The following CASP8 variants were observed in gnomAD, a reference collection of about 807,000 sequenced individuals.
CASP8 encodes caspase-8.
Under a neutral mutation model 46.3 loss-of-function variants are expected in CASP8, and 24 were observed. That is an observed-to-expected ratio of 0.52 (90% CI 0.38 to 0.73). The LOEUF (loss-of-function observed/expected upper bound fraction) is 0.73. CASP8 is among the 30% of genes least tolerant of loss of function. CASP8 has a pLI of 0.00. For synonymous variants in CASP8, 188 were observed against 200.4 expected, an observed-to-expected ratio of 0.94 and a Z score of 0.52; for missense variants, 460 against 559.0, an observed-to-expected ratio of 0.82 and a Z score of 1.79.
rs1484449493 is a variant in CASP8, at chr2:201,283,229, C to A, written c.803-1587C>A. Among the ~76,000 whole-genome samples the A allele has an allele frequency of 2.2e-5, 2 of 88,892 alleles. 1 individual carries two copies. The highest frequency in any genetic ancestry group is 5.4e-5 in the Non-Finnish European group (2 of 37,130). 58.3% of individuals were successfully genotyped at this position (88,892 alleles called of 152,430 possible). A position where few individuals can be genotyped will look rare whatever the true frequency, so the allele number is the denominator to read the frequency against. On this transcript the variant is annotated intron_variant, in intron 7 of 8. Coordinates refer to ENST00000673742, the MANE Select transcript of CASP8 (RefSeq NM_001372051.1). ...GCTGGCCAGGCGGGGGGCTGACCCC[C>A]CACCTCCCTCCCGGACTGGGCGGCT...
chr2:201,286,437 AATATT>A lies in CASP8; in HGVS notation c.1305-19_1305-15del. 1 of 1,610,518 alleles carries A rather than the reference AATATT, an allele frequency of 6.2e-7. No homozygotes were observed. Among genetic ancestry groups the A allele is most frequent in the Non-Finnish European group, 8.5e-7 (1 of 1,177,356 alleles). ...GTTGCTTTCCCCCACAGACAGTCAC[AATATT>A]ATGTGATGTATTTCAGAGGCGATGA... On this transcript the variant is annotated splice_polypyrimidine_tract_variant and intron_variant, in intron 8 of 8. Coordinates refer to ENST00000673742, the MANE Select transcript of CASP8 (RefSeq NM_001372051.1).
At chr2:201,264,027 C>T (rs1305078927) in intron 1 of CASP8, among the ~76,000 whole-genome samples, 2 of 152,208 alleles carry the variant, frequency 1.3e-5, no homozygotes, top group Non-Finnish European at 2.9e-5. Flanking sequence ...ACTGAAGGAA[C>T]TTCCTGTGCA....
intron 1 of CASP8, among the ~76,000 whole-genome samples, chr2:201,261,408 AAAAATT>A: frequency 1.3e-5 from 2 of 152,126 alleles, no homozygotes; most frequent in Admixed American, 1.3e-4. Context: ...AAAAAAAAAA[AAAAATT>A]AAAAAGATAC....
chr2:201,277,641 G>A, intron 7 of CASP8: 1 of 387,842 alleles, frequency 2.6e-6, no homozygotes, highest in Non-Finnish European at 5.0e-6. Context: ...ATGGAGGTAA[G>A]TTTAGAAAAT....
intron 5 of CASP8, among the ~76,000 whole-genome samples, chr2:201,273,243 G>A (rs921989315): frequency 6.6e-6 from 1 of 152,046 alleles, no homozygotes; most frequent in Admixed American, 6.5e-5. Flanking sequence ...ATTTTTATTA[G>A]AGATGGGGTT....
At chr2:201,286,293 A>G (rs1451271643) in intron 8 of CASP8, among the ~76,000 whole-genome samples, 166 bp from the exon 9 acceptor site, 1 of 152,172 alleles carries the variant, frequency 6.6e-6, no homozygotes, top group Admixed American at 6.5e-5. Flanking sequence ...GAGACAACCC[A>G]TTTACCAGGA....
chr2:201,286,436 C>A, intron 8 of CASP8, 23 bp from the exon 9 acceptor site: 2 of 1,610,210 alleles, frequency 1.2e-6, no homozygotes, highest in Non-Finnish European at 1.7e-6. Context: ...CAGACAGTCA[C>A]AATATTATGT....
rs2125257522 is a variant in CASP8 at position 201,272,836 on chromosome 2, A to C, written c.550+60A>C. The stretch of plus-strand genomic sequence containing the variant: ...CCTACTCTAAAATTGAAACTGACAA[A>C]TCGCTCCATATCACAGTTGTTTCTA... On this transcript the variant is annotated intron_variant, in intron 4 of 8. Coordinates refer to ENST00000673742, the MANE Select transcript of CASP8 (RefSeq NM_001372051.1). The surrounding 1 kb of genome is among the most constrained non-coding windows in gnomAD (Gnocchi z 4.4). 1 of 1,613,658 alleles carries C rather than the reference A, an allele frequency of 6.2e-7. No homozygotes were observed.
chr2:201,273,019 C>T (rs1948378550), intron 5 of CASP8, 77 bp downstream of exon 5: 4 of 1,134,434 alleles, frequency 3.5e-6, no homozygotes, highest in South Asian at 2.5e-5. Flanking sequence ...CCACAGCCTT[C>T]TACCACATGC....
intron 2 of CASP8, among the ~76,000 whole-genome samples, chr2:201,238,271 TG>T (rs1415023799): frequency 6.6e-6 from 1 of 152,110 alleles, no homozygotes; most frequent in Non-Finnish European, 1.5e-5. Context: ...GTGGAGCAAG[TG>T]GGGAACTTGC....
intron 2 of CASP8, among the ~76,000 whole-genome samples, chr2:201,252,681 C>A (rs1244617724): frequency 6.6e-6 from 1 of 152,196 alleles, no homozygotes; most frequent in African/African-American, 2.4e-5. Flanking sequence ...CATGTCATGT[C>A]AGGTGAGAGA....
At position 201,281,903 on chromosome 2, in the gene CASP8, G is replaced by A. The variant is rs1457578893; in HGVS notation, c.803-2913G>A. 9 of 1,476,134 alleles carry A rather than the reference G, an allele frequency of 6.1e-6. 1 individual carries two copies. The Admixed American group carries it at 6.5e-5, about 11-fold the overall frequency. 91.4% of individuals were successfully genotyped at this position (1,476,134 alleles called of 1,614,324 possible). A position where few individuals can be genotyped will look rare whatever the true frequency, so the allele number is the denominator to read the frequency against. On this transcript the variant is annotated intron_variant, in intron 7 of 8. Transcript: ENST00000673742. ...GCAGAATCCAGCTACGAATATAGAG[G>A]GTTTTGCTCTTGAATTTCTGGTTCA...
intron 2 of CASP8, among the ~76,000 whole-genome samples, chr2:201,235,234 A>G (rs1488439387): frequency 6.6e-6 from 1 of 152,160 alleles, no homozygotes; most frequent in Non-Finnish European, 1.5e-5. Flanking sequence ...GTATAATGAT[A>G]TCAGTTGGTA....
At chr2:201,253,293 C>CTTT (rs34341476) in intron 2 of CASP8, among the ~76,000 whole-genome samples, 1,990 of 67,908 alleles carry the variant, frequency 0.029, 357 homozygotes, top group Non-Finnish European at 0.039. Flanking sequence ...CTAGCCTGAT[C>CTTT]TTTTTTTTTT....
chr2:201,279,831 T>C (rs1042867365), intron 7 of CASP8, among the ~76,000 whole-genome samples: 1 of 152,130 alleles, frequency 6.6e-6, no homozygotes, highest in African/African-American at 2.4e-5. Flanking sequence ...CAGGTGCCTG[T>C]AACCCCAGCT....
chr2:201,235,458 T>C (rs35333885), intron 2 of CASP8, among the ~76,000 whole-genome samples: 3,537 of 152,310 alleles, frequency 0.023, 140 homozygotes, highest in African/African-American at 0.079. Context: ...AGTTGTTTTT[T>C]ATTCGTGGCA....
intron 2 of CASP8, among the ~76,000 whole-genome samples, chr2:201,255,136 T>G (rs1445668987): frequency 6.6e-6 from 1 of 152,136 alleles, no homozygotes. Context: ...CACGCTGGAG[T>G]GCAATGGTGT....
chr2:201,262,401 T>C (rs1947483586), intron 1 of CASP8: 1 of 151,488 alleles, frequency 6.6e-6, no homozygotes, highest in African/African-American at 2.4e-5. Context: ...TTAAATACTT[T>C]GGGGCATAAA....
chr2:201,277,883 T>C (rs1273428404), intron 7 of CASP8: 4 of 259,510 alleles, frequency 1.5e-5, no homozygotes, highest in Admixed American at 5.4e-5. Context: ...GTATTTTTAG[T>C]AGAGATGGGG....
Sources: allele counts gnomAD v4.1 joint callset (sites outside exome capture counted in the v4.1 genomes callset), GRCh38; gene constraint gnomAD v4.1.1; non-coding constraint Gnocchi (gnomAD v3.1); transcripts MANE v1.5; gene names NCBI Gene and HGNC (gene_info 2026-07-23, HGNC 2026-07-21).